Variants in TPD52L1 observed in about 807,000 individuals in gnomAD.
The protein encoded by TPD52L1 is tumor protein D53.
TPD52L1 carries 18 observed loss-of-function variants against 28.7 expected under a neutral mutation model. The observed-to-expected ratio is 0.63, with a 90% CI of 0.43 to 0.93. The LOEUF is 0.93. Ranked by LOEUF, TPD52L1 falls within the 40% of genes least tolerant of loss-of-function variation. TPD52L1 has a pLI of 0.00. For synonymous variants in TPD52L1, 75 were observed against 88.8 expected (o/e 0.84, Z 0.88); for missense variants, 203 against 254.8 (o/e 0.80, Z 1.39).
At chr6:125,237,826 TG>T (rs202246835) in intron 3 of TPD52L1, among the ~76,000 whole-genome samples, 10,048 of 152,216 alleles carry the variant, frequency 0.066, 384 homozygotes, top group Middle Eastern at 0.099. Context: ...TGTTTTGTTT[TG>T]TTTTGCTTTT....
At chr6:125,178,592 G>C (rs1051686498) in intron 1 of TPD52L1, among the ~76,000 whole-genome samples, 3 of 151,952 alleles carry the variant, frequency 2.0e-5, no homozygotes, top group African/African-American at 7.3e-5. Flanking sequence ...CTGCACTCCC[G>C]CCTGGGCGAC....
chr6:125,215,037 G>T (rs1039875037), intron 1 of TPD52L1, among the ~76,000 whole-genome samples: 1 of 152,138 alleles, frequency 6.6e-6, no homozygotes, highest in African/African-American at 2.4e-5. Context: ...AGAGAACCAA[G>T]TTCATGAAAT....
intron 1 of TPD52L1, among the ~76,000 whole-genome samples, chr6:125,201,435 T>G (rs957112439): frequency 2.0e-5 from 3 of 152,234 alleles, no homozygotes; most frequent in Admixed American, 6.5e-5. Flanking sequence ...GATGGACGTT[T>G]AGGTTTTTGT....
chr6:125,229,322 TTG>T, intron 3 of TPD52L1, 56 bp downstream of exon 3: 1 of 1,486,960 alleles, frequency 6.7e-7, no homozygotes, highest in East Asian at 2.5e-5. Flanking sequence ...CCTCACTCTG[TTG>T]TGTTTTGTTT....
At chr6:125,216,527 GTGTATATATATATATATATATATA>G (rs1279864458) in intron 1 of TPD52L1, among the ~76,000 whole-genome samples, 1 of 40,192 alleles carries the variant, frequency 2.5e-5, no homozygotes, top group African/African-American at 7.1e-5. Context: ...CAGTATGTGT[GTGTATATATATATATATATATATA>G]TATATATATA....
Position 125,172,460 on chromosome 6 carries a change from T to TTG in TPD52L1, c.19+18508_19+18509dup, listed in dbSNP as rs1211284945. On this transcript the variant is annotated intron_variant, in intron 1 of 6. Transcript: ENST00000534000. ...TAGCCACCACACCTGGCCTGGATTT[T>TTG]TGTGTGTGTGTGTGTGTGTTTTTTT... Among the ~76,000 whole-genome samples the TTG allele has an allele frequency of 2.6e-3, 303 of 114,370 alleles. 1 individual carries two copies. Among genetic ancestry groups the TTG allele is most frequent in the East Asian group, 0.016 (53 of 3,350 alleles). The allele number at this position is 114,370 out of a possible 152,430, so 75.0% of individuals were successfully genotyped here. A position where few individuals can be genotyped will look rare whatever the true frequency, so the allele number is the denominator to read the frequency against.
At chr6:125,192,067 C>T (rs923892798) in intron 1 of TPD52L1, among the ~76,000 whole-genome samples, 4 of 152,152 alleles carry the variant, frequency 2.6e-5, no homozygotes, top group African/African-American at 9.7e-5. Flanking sequence ...GTTCTTTCCT[C>T]ACTGTTCCCT....
chr6:125,244,112 C>T (rs1175618154), intron 3 of TPD52L1, among the ~76,000 whole-genome samples: 2 of 152,004 alleles, frequency 1.3e-5, no homozygotes, highest in East Asian at 1.9e-4. Flanking sequence ...CTGGCTTTCC[C>T]TTATGCTGTT....
chr6:125,164,065 A>T (rs1252909988), intron 1 of TPD52L1, among the ~76,000 whole-genome samples: 3 of 152,194 alleles, frequency 2.0e-5, no homozygotes, highest in Non-Finnish European at 4.4e-5. Context: ...GAAGTGTTGG[A>T]GTTGGGATTT....
At chr6:125,240,699 C>G (rs1796566267) in intron 3 of TPD52L1, among the ~76,000 whole-genome samples, 1 of 151,950 alleles carries the variant, frequency 6.6e-6, no homozygotes, top group African/African-American at 2.4e-5. Flanking sequence ...TTACTGAATT[C>G]ATTCATCAGA....
chr6:125,200,585 G>T (rs1315781582), intron 1 of TPD52L1, among the ~76,000 whole-genome samples: 1 of 152,176 alleles, frequency 6.6e-6, no homozygotes, highest in Non-Finnish European at 1.5e-5. Flanking sequence ...CCCTTTTGCA[G>T]CAGCCAACAT....
intron 1 of TPD52L1, among the ~76,000 whole-genome samples, chr6:125,164,559 A>G (rs1790752386): frequency 6.6e-6 from 1 of 152,202 alleles, no homozygotes; most frequent in Non-Finnish European, 1.5e-5. Flanking sequence ...TCCAGAAAGT[A>G]GAATCTGTAT....
intron 1 of TPD52L1, among the ~76,000 whole-genome samples, chr6:125,177,953 A>C (rs911257758): frequency 6.6e-6 from 1 of 152,188 alleles, no homozygotes; most frequent in Non-Finnish European, 1.5e-5. Flanking sequence ...AGTATATAAA[A>C]AGTGAATCTA....
chr6:125,172,116 CTT>C (rs1177429900), intron 1 of TPD52L1, among the ~76,000 whole-genome samples: 1 of 53,328 alleles, frequency 1.9e-5, no homozygotes, highest in African/African-American at 9.3e-5. Flanking sequence ...TTCTTTCTTT[CTT>C]TCTTTCTTTC....
At chr6:125,193,187 T>G (rs566140660) in intron 1 of TPD52L1, among the ~76,000 whole-genome samples, 24 of 152,342 alleles carry the variant, frequency 1.6e-4, no homozygotes, top group African/African-American at 5.8e-4. Context: ...AGCCAACCAC[T>G]TAAATGATAC....
intron 1 of TPD52L1, among the ~76,000 whole-genome samples, chr6:125,177,581 C>CT: frequency 6.6e-6 from 1 of 152,294 alleles, no homozygotes; most frequent in South Asian, 2.1e-4. Flanking sequence ...TACTACAGCC[C>CT]TGTGATCCTT....
At chr6:125,189,425 A>G (rs967239754) in intron 1 of TPD52L1, among the ~76,000 whole-genome samples, 2 of 152,314 alleles carry the variant, frequency 1.3e-5, no homozygotes, top group Admixed American at 6.5e-5. Context: ...TGTGTGTTAT[A>G]TCTAACTGGA....
rs1191223811 is a variant in TPD52L1, at chr6:125,216,525, GTGTGTATATATATATATATA to G, written c.20-3551_20-3532del. ...GTTTGCAACAGTAAATTCAGTATGT[GTGTGTATATATATATATATA>G]TATATATATATATATATATATATAT... is the stretch of plus-strand genomic sequence containing the variant. On this transcript the variant is annotated intron_variant, in intron 1 of 6. Coordinates refer to ENST00000534000, the MANE Select transcript of TPD52L1 (RefSeq NM_003287.4). Among the ~76,000 whole-genome samples the G allele has an allele frequency of 3.7e-3, 393 of 104,846 alleles. 7 individuals are homozygous for G. Among genetic ancestry groups the G allele is most frequent in the South Asian group, 0.016 (58 of 3,522 alleles). The allele number at this position is 104,846 out of a possible 152,430, so 68.8% of individuals were successfully genotyped here.
At chr6:125,217,907 G>A (rs1302554816) in intron 1 of TPD52L1, among the ~76,000 whole-genome samples, 1 of 152,094 alleles carries the variant, frequency 6.6e-6, no homozygotes, top group African/African-American at 2.4e-5. Flanking sequence ...TCCATGTGGT[G>A]TGTATAGTGA....
Sources: gnomAD v4.1 joint callset for allele counts (sites outside exome capture counted in the v4.1 genomes callset) on GRCh38, gnomAD v4.1.1 for gene constraint, MANE v1.5 for transcripts, NCBI Gene and HGNC (gene_info 2026-07-23, HGNC 2026-07-21) for gene names.